Variants in SCAI observed in about 807,000 individuals in gnomAD.
The protein encoded by SCAI is protein SCAI.
In SCAI, 24 loss-of-function variants were observed where a neutral mutation model predicts 92.2. The ratio of observed to expected loss-of-function variants is 0.26; its 90% CI spans 0.19 to 0.37. SCAI has a LOEUF of 0.37. Among genes scored for constraint, SCAI ranks in the 10% least tolerant of loss-of-function variants. SCAI has a pLI of 1.00. For missense variants in SCAI, 450 were observed against 736.2 expected, an observed-to-expected ratio of 0.61 and a Z score of 4.50; for synonymous variants, 261 against 258.6, an observed-to-expected ratio of 1.01 and a Z score of -0.09.
intron 11 of SCAI, 32 bp downstream of exon 11, chr9:125,003,082 C>T (rs377493566): frequency 3.4e-5 from 47 of 1,372,886 alleles, no homozygotes; most frequent in Non-Finnish European, 4.6e-5. Flanking sequence ...CACACTTTCA[C>T]CTCATAGTAA....
At chr9:125,049,692 G>T (rs527911695) in intron 3 of SCAI, among the ~76,000 whole-genome samples, 16 of 152,218 alleles carry the variant, frequency 1.1e-4, no homozygotes, top group Admixed American at 7.2e-4. Flanking sequence ...AAAATGAAAG[G>T]CTCTGACAAC....
At chr9:124,987,018 G>C (rs940934054) in intron 14 of SCAI, among the ~76,000 whole-genome samples, 1 of 152,130 alleles carries the variant, frequency 6.6e-6, no homozygotes, top group African/African-American at 2.4e-5. Context: ...AGAAAAAGAA[G>C]TATTGCCCAA....
intron 9 of SCAI, among the ~76,000 whole-genome samples, chr9:125,006,742 G>A (rs548174179): frequency 1.6e-4 from 25 of 152,190 alleles, no homozygotes; most frequent in East Asian, 7.7e-4. Flanking sequence ...TGCCCGCCTC[G>A]GCCTCCCACA....
chr9:125,117,665 CA>C (rs372964615), intron 2 of SCAI, among the ~76,000 whole-genome samples: 73 of 45,246 alleles, frequency 1.6e-3, no homozygotes, highest in South Asian at 7.0e-3. Flanking sequence ...GACTCCATCT[CA>C]AAAAAAAAAA....
At position 124,952,706 on chromosome 9, in the gene SCAI, A is replaced by G. The variant is rs1831250124; in HGVS notation, c.*101T>C. 3 of 896,106 alleles carry G rather than the reference A, an allele frequency of 3.3e-6. No homozygotes were observed. 55.5% of individuals were successfully genotyped at this position (896,106 alleles called of 1,614,324 possible). On this transcript the variant is annotated 3_prime_UTR_variant, in exon 18 of 18. Transcript: ENST00000336505. ...AAATGGTGGCCCTAAATTAAAAAAT[A>G]AAAACTAAGTAACACCACTATGTGT...
At chr9:125,046,196 G>GATATACATATATATATAT in intron 3 of SCAI, among the ~76,000 whole-genome samples, 1 of 51,880 alleles carries the variant, frequency 1.9e-5, no homozygotes, top group East Asian at 6.7e-4. Context: ...GAAATTGTGA[G>GATATACATATATATATAT]ATATATATAT....
Position 125,088,918 on chromosome 9 carries a change from C to G in SCAI, c.99-32911G>C, listed in dbSNP as rs376294392. 1.1e-4 allele frequency among the ~76,000 whole-genome samples: 17 copies of G among 152,264 alleles called. 1 individual carries two copies. The East Asian group carries it at 1.9e-3, about 17-fold the overall frequency. ...TGGTACACTGTAGAGTGTTTAGCGG[C>G]ATCCCTCGCCTCTACGCACTAGATG... On this transcript the variant is annotated intron_variant, in intron 2 of 17. Transcript: ENST00000336505.
intron 9 of SCAI, among the ~76,000 whole-genome samples, chr9:125,013,973 T>G (rs929662371): frequency 1.3e-5 from 2 of 151,994 alleles, no homozygotes. Flanking sequence ...TTGACAAAAT[T>G]CAACAACGCT....
At chr9:125,099,501 C>T (rs1208275635) in intron 2 of SCAI, among the ~76,000 whole-genome samples, 3 of 152,090 alleles carry the variant, frequency 2.0e-5, no homozygotes, top group Non-Finnish European at 4.4e-5. Context: ...ACGCTAGTCT[C>T]GACCTCCTGG....
At chr9:125,000,020 T>C in intron 12 of SCAI, 30 bp from the exon 13 acceptor site, 1 of 1,119,530 alleles carries the variant, frequency 8.9e-7, no homozygotes, top group Non-Finnish European at 1.3e-6. Context: ...AATCCTAGAC[T>C]TCAGTTGAAG....
chr9:125,092,198 C>T (rs2131198052), intron 2 of SCAI, among the ~76,000 whole-genome samples: 1 of 143,808 alleles, frequency 7.0e-6, no homozygotes, highest in South Asian at 2.3e-4. Context: ...GTGGCTCATG[C>T]CTGTAATCCC....
intron 3 of SCAI, among the ~76,000 whole-genome samples, chr9:125,036,273 G>A (rs1326696528): frequency 6.6e-6 from 1 of 152,202 alleles, no homozygotes; most frequent in Non-Finnish European, 1.5e-5. Context: ...CTGGCACAAA[G>A]TAAGCACTAA....
intron 17 of SCAI, among the ~76,000 whole-genome samples, chr9:124,957,418 A>C (rs535786790): frequency 2.2e-4 from 34 of 151,990 alleles, no homozygotes. Flanking sequence ...GCTGGAGTGC[A>C]GTGGTGCAAT....
At position 124,945,686 on chromosome 9, in the gene SCAI, A is replaced by G. The variant is rs1435511666; in HGVS notation, c.*7121T>C. On this transcript the variant is annotated 3_prime_UTR_variant, in exon 18 of 18. Transcript: ENST00000336505. ...CAGTTCTCTTTATCCAATTAAAGGC[A>G]TATCACCCTACATCATCCTGACACC... The G allele has an allele frequency of 6.6e-6, 1 of 152,234 alleles. No individual in the cohort carries two copies. The highest frequency in any genetic ancestry group is 6.5e-5 in the Admixed American group (1 of 15,284). The allele number at this position is 152,234 out of a possible 1,614,324, so 9.4% of individuals were successfully genotyped here.
Position 125,092,131 on chromosome 9 carries a change from T to TAAAAAAAA in SCAI, c.99-36132_99-36125dup, listed in dbSNP as rs71374225. 4.3e-4 allele frequency among the ~76,000 whole-genome samples: 26 copies of TAAAAAAAA among 61,142 alleles called. 1 individual carries two copies. Among genetic ancestry groups the TAAAAAAAA allele is most frequent in the African/African-American group, 1.2e-3 (20 of 16,448 alleles). 40.1% of individuals were successfully genotyped at this position (61,142 alleles called of 152,430 possible). A position where few individuals can be genotyped will look rare whatever the true frequency, so the allele number is the denominator to read the frequency against. On this transcript the variant is annotated intron_variant, in intron 2 of 17. Coordinates refer to ENST00000336505, the MANE Select transcript of SCAI (RefSeq NM_001144877.3). Reference sequence around the variant, plus strand: ...GGCGACAGAGCAAGACTCCGTCTCTTAAAAAAAAAAAAAAAAAAAAAAAAA... The same window carrying TAAAAAAAA: ...GGCGACAGAGCAAGACTCCGTCTCTTAAAAAAAAAAAAAAAAAAAAAAAAAAAAAAAAA...
chr9:125,089,667 T>A (rs1043015479), intron 2 of SCAI, among the ~76,000 whole-genome samples: 1 of 150,404 alleles, frequency 6.6e-6, no homozygotes, highest in East Asian at 1.9e-4. Flanking sequence ...TCTAGCTGGG[T>A]TTTTTTTTGG....
chr9:125,031,418 C>T (rs944305117), intron 3 of SCAI, among the ~76,000 whole-genome samples: 23 of 152,138 alleles, frequency 1.5e-4, no homozygotes, highest in Non-Finnish European at 1.8e-4. Context: ...CCTGCCACCA[C>T]GCCCGGCTAA....
chr9:124,982,393 C>T (rs777132087), intron 14 of SCAI, among the ~76,000 whole-genome samples: 5 of 152,116 alleles, frequency 3.3e-5, no homozygotes, highest in African/African-American at 7.2e-5. Context: ...ATTATTGGGC[C>T]GGGCACGGTG....
intron 14 of SCAI, among the ~76,000 whole-genome samples, chr9:124,979,180 G>GA (rs1564364608): frequency 6.6e-6 from 1 of 151,348 alleles, no homozygotes; most frequent in African/African-American, 2.4e-5. Flanking sequence ...CTTATTAAAT[G>GA]AAAAAAGATA....
Sources: allele counts gnomAD v4.1 joint callset (sites outside exome capture counted in the v4.1 genomes callset), GRCh38; gene constraint gnomAD v4.1.1; transcripts MANE v1.5; gene names NCBI Gene and HGNC (gene_info 2026-07-23, HGNC 2026-07-21).